Variants in HOGA1 observed in about 807,000 individuals in gnomAD.
The protein encoded by HOGA1 is 4-hydroxy-2-oxoglutarate aldolase, mitochondrial.
HOGA1 carries 30 observed loss-of-function variants against 34.3 expected under a neutral mutation model. The ratio of observed to expected loss-of-function variants is 0.87; its 90% CI spans 0.65 to 1.19. The LOEUF is 1.19. HOGA1 is among the 50% of genes most tolerant of loss of function. HOGA1 has a pLI of 0.00. For missense variants in HOGA1, 417 were observed against 436.5 expected, an observed-to-expected ratio of 0.96 and a Z score of 0.40; for synonymous variants, 161 against 174.0, an observed-to-expected ratio of 0.93 and a Z score of 0.59.
chr10:97,604,608 A>C (rs2041143455), intron 6 of HOGA1, among the ~76,000 whole-genome samples: 1 of 151,890 alleles, frequency 6.6e-6, no homozygotes, highest in South Asian at 2.1e-4. Context: ...GGCATGAGCC[A>C]CCACGGCTGG....
At position 97,585,297 on chromosome 10, in the gene HOGA1, G is replaced by T. The variant is rs535595090; in HGVS notation, c.211+383G>T. 2.6e-5 allele frequency among the ~76,000 whole-genome samples: 4 copies of T among 152,280 alleles called. No homozygotes were observed. The South Asian group carries it at 8.3e-4, about 32-fold the overall frequency. On this transcript the variant is annotated intron_variant, in intron 1 of 6. Coordinates refer to ENST00000370646, the MANE Select transcript of HOGA1 (RefSeq NM_138413.4). ...ACGTGGCAGCCCAGCCACAGTCCCA[G>T]TTCCCTCCAAAGTTTGTTTGTACAT...
chr10:97,589,084 G>A (rs1054436312), intron 1 of HOGA1, among the ~76,000 whole-genome samples: 11 of 152,092 alleles, frequency 7.2e-5, no homozygotes, highest in African/African-American at 2.7e-4. Flanking sequence ...CCATCCCGGA[G>A]TGGCCCCAGG....
At chr10:97,592,233 C>T (rs1028431214) in intron 1 of HOGA1, among the ~76,000 whole-genome samples, 1 of 149,928 alleles carries the variant, frequency 6.7e-6, no homozygotes, top group African/African-American at 2.4e-5. Context: ...TATAGAAAAT[C>T]CCTGTACTTT....
Position 97,603,549 on chromosome 10 carries a change from C to CTTTTT in HOGA1, c.834+1560_834+1564dup, listed in dbSNP as rs1359906400. Among the ~76,000 whole-genome samples the CTTTTT allele has an allele frequency of 6.6e-6, 1 of 150,692 alleles. No homozygotes were observed. On this transcript the variant is annotated intron_variant, in intron 6 of 6. Coordinates refer to ENST00000370646, the MANE Select transcript of HOGA1 (RefSeq NM_138413.4). The surrounding 1 kb of genome is among the most constrained non-coding windows in gnomAD (Gnocchi z 4.5). ...GGCCTACTGTATATTTTATATTTAA[C>CTTTTT]TTTTTATTTTATTTTATTTTATTTA...
intron 1 of HOGA1, among the ~76,000 whole-genome samples, chr10:97,595,013 A>T (rs2041057983): frequency 6.6e-6 from 1 of 152,220 alleles, no homozygotes; most frequent in South Asian, 2.1e-4. Flanking sequence ...TGATGGACTA[A>T]GAACGCATAA....
chr10:97,606,696 CTT>C (rs946492399), intron 6 of HOGA1, among the ~76,000 whole-genome samples: 1 of 152,134 alleles, frequency 6.6e-6, no homozygotes, highest in African/African-American at 2.4e-5. Context: ...CCACTTTGTT[CTT>C]TTTTTATTCC....
intron 1 of HOGA1, among the ~76,000 whole-genome samples, chr10:97,596,359 T>A (rs2041071415): frequency 6.6e-6 from 1 of 152,178 alleles, no homozygotes; most frequent in Non-Finnish European, 1.5e-5. Context: ...AAGAGGGTGA[T>A]GGTGGCTGAA....
intron 2 of HOGA1, 43 bp downstream of exon 2, chr10:97,598,946 A>C: frequency 6.2e-7 from 1 of 1,611,734 alleles, no homozygotes; most frequent in Non-Finnish European, 8.5e-7. Context: ...GTGGATGTGC[A>C]GGATCCAGGC....
intron 6 of HOGA1, 129 bp from the exon 7 acceptor site, chr10:97,611,381 A>G (rs2041194312): frequency 1.0e-6 from 1 of 995,944 alleles, no homozygotes; most frequent in Non-Finnish European, 1.6e-6. Context: ...TGGGTGCCAT[A>G]GAGTTGGCAG....
At chr10:97,605,700 GT>G in intron 6 of HOGA1, among the ~76,000 whole-genome samples, 1 of 152,078 alleles carries the variant, frequency 6.6e-6, no homozygotes, top group East Asian at 1.9e-4. Context: ...GCTATTGAAC[GT>G]TTTTTTCATG....
chr10:97,599,701 C>T lies in HOGA1; in HGVS notation c.490C>T (p.Pro164Ser). The T allele has an allele frequency of 6.2e-7, 1 of 1,614,156 alleles. No individual in the cohort carries two copies. The highest frequency in any genetic ancestry group is 2.2e-5 in the East Asian group (1 of 44,874). The change falls in exon 4 of 7, where the codon CCT becomes TCT. Residue 164 changes from proline to serine, a missense_variant. By Grantham distance (74) the Pro-to-Ser change is moderately conservative. Transcript: ENST00000370646. ...CCAGGTTGCTGATCTCTCTCCAATCCCTGTGGTGCTGTACAGTGTCCCAGC... is the reference window on the plus strand; with the variant it reads ...CCAGGTTGCTGATCTCTCTCCAATCTCTGTGGTGCTGTACAGTGTCCCAGC... Reference protein sequence around the residue: ...YTKVADLSPIPVVLYSVPANT... With the variant: ...YTKVADLSPISVVLYSVPANT...
At chr10:97,599,008 T>C (rs199759218) in intron 2 of HOGA1, 81 bp from the exon 3 acceptor site, 3 of 1,577,760 alleles carry the variant, frequency 1.9e-6, no homozygotes, top group Non-Finnish European at 2.6e-6. Flanking sequence ...TTCTGGGACA[T>C]GCTGAGGCAC....
Position 97,598,836 on chromosome 10 carries a change from G to A in HOGA1, c.273G>A (p.Glu91=), listed in dbSNP as rs766342051. Residue 91 remains glutamate (E), a synonymous_variant, in exon 2 of 7, where the codon GAG becomes GAA. Transcript: ENST00000370646. ...TCCTGACCAGCAGTGAGCGCCTCGA[G>A]GTGGTGAGCCGTGTGCGCCAGGCCA... ...FPFLTSSERL[E]VVSRVRQAMP... 1.2e-6 allele frequency: 2 copies of A among 1,614,096 alleles called. No homozygotes were observed. The highest frequency in any genetic ancestry group is 2.7e-5 in the African/African-American group (2 of 74,940).
chr10:97,589,996 C>T, intron 1 of HOGA1: 1 of 1,614,120 alleles, frequency 6.2e-7, no homozygotes. Flanking sequence ...AGAATGAAAG[C>T]TGGATTAAAT....
In HOGA1 at chr10:97,591,817, T is replaced by TTGTGTGTGTGTG. The variant is rs56742680; in HGVS notation, c.212-6927_212-6916dup. 2.3e-3 allele frequency among the ~76,000 whole-genome samples: 255 copies of TTGTGTGTGTGTG among 111,062 alleles called. 4 individuals carry two copies. The highest frequency in any genetic ancestry group is 3.0e-3 in the African/African-American group (82 of 27,640). The allele number at this position is 111,062 out of a possible 152,430, so 72.9% of individuals were successfully genotyped here. ...TTTTTTTTTTTTCTTTTCTTTCATT[T>TTGTGTGTGTGTG]TGTGTGTGTGTGTGTGTGTGTGTGT... is the stretch of plus-strand genomic sequence containing the variant. On this transcript the variant is annotated intron_variant, in intron 1 of 6. Transcript: ENST00000370646.
intron 1 of HOGA1, among the ~76,000 whole-genome samples, chr10:97,589,152 C>T (rs1042232260): frequency 2.0e-5 from 3 of 152,116 alleles, no homozygotes; most frequent in Non-Finnish European, 2.9e-5. Context: ...CTGCTTGCCT[C>T]TCCACCCTCA....
chr10:97,593,628 ACTT>A (rs1387609025), intron 1 of HOGA1, among the ~76,000 whole-genome samples: 1 of 152,100 alleles, frequency 6.6e-6, no homozygotes, highest in East Asian at 1.9e-4. Flanking sequence ...AAAATAAAGA[ACTT>A]CTTTTTCTTT....
chr10:97,605,466 C>T (rs2041150788), intron 6 of HOGA1, among the ~76,000 whole-genome samples: 1 of 151,120 alleles, frequency 6.6e-6, no homozygotes, highest in Admixed American at 6.6e-5. Context: ...AACAAACAAA[C>T]AAAAACCCAG....
intron 1 of HOGA1, chr10:97,590,489 A>T (rs774772775): frequency 6.2e-7 from 1 of 1,612,952 alleles, no homozygotes; most frequent in East Asian, 2.2e-5. Flanking sequence ...TCACACACAC[A>T]CCTTCTATGG....
Sources: gnomAD v4.1 joint callset for allele counts (sites outside exome capture counted in the v4.1 genomes callset) on GRCh38, gnomAD v4.1.1 for gene constraint, Gnocchi (gnomAD v3.1) non-coding constraint, MANE v1.5 for transcripts, NCBI Gene and HGNC (gene_info 2026-07-23, HGNC 2026-07-21) for gene names.